FAM107B: variants seen among roughly 807,000 people sequenced by gnomAD.
The protein encoded by FAM107B is protein FAM107B.
FAM107B carries 21 observed loss-of-function variants against 31.5 expected under a neutral mutation model. The ratio of observed to expected loss-of-function variants is 0.67; its 90% confidence interval spans 0.47 to 0.96. The LOEUF (loss-of-function observed/expected upper bound fraction) is 0.96. FAM107B is among the 40% of genes least tolerant of loss of function. The pLI, the probability that FAM107B is intolerant of heterozygous loss-of-function variation, is 0.00. For missense variants in FAM107B, 452 were observed against 377.1 expected (o/e 1.20, Z -1.64); for synonymous variants, 157 against 141.5 (o/e 1.11, Z -0.78).
At chr10:14,556,508 G>A in intron 2 of FAM107B, 3 of 744,928 alleles carry the variant, frequency 4.0e-6, no homozygotes, top group Non-Finnish European at 4.9e-6. Flanking sequence ...GCTCAGCTCT[G>A]GACAAAACAA....
chr10:14,536,329 C>T (rs745927477), intron 2 of FAM107B, among the ~76,000 whole-genome samples: 2 of 152,182 alleles, frequency 1.3e-5, no homozygotes, highest in African/African-American at 4.8e-5. Context: ...TTTTGAACTG[C>T]TAAAACGTCT....
chr10:14,718,324 G>C (rs888891327), intron 1 of FAM107B, among the ~76,000 whole-genome samples: 1 of 150,938 alleles, frequency 6.6e-6, no homozygotes, highest in South Asian at 2.1e-4. Flanking sequence ...CTGAGCAACA[G>C]AGCGAGACTC....
intron 1 of FAM107B, among the ~76,000 whole-genome samples, chr10:14,705,652 C>T (rs975055390): frequency 2.6e-5 from 4 of 152,068 alleles, no homozygotes; most frequent in South Asian, 4.2e-4. Context: ...CCTACAAGGT[C>T]CCTAGAGTAG....
At chr10:14,549,907 A>G (rs1225379741) in intron 2 of FAM107B, among the ~76,000 whole-genome samples, 1 of 152,258 alleles carries the variant, frequency 6.6e-6, no homozygotes, top group Non-Finnish European at 1.5e-5. Context: ...AACAAGGAAC[A>G]CAGAATGATG....
chr10:14,702,967 T>G (rs764937831), intron 1 of FAM107B, among the ~76,000 whole-genome samples: 1 of 152,124 alleles, frequency 6.6e-6, no homozygotes, highest in Non-Finnish European at 1.5e-5. Context: ...TATTACAAAA[T>G]CATGTTTATC....
intron 2 of FAM107B, among the ~76,000 whole-genome samples, chr10:14,605,910 G>C (rs1215230760): frequency 6.6e-6 from 1 of 152,146 alleles, no homozygotes; most frequent in Non-Finnish European, 1.5e-5. Flanking sequence ...CCCCTCTGCT[G>C]GCACCGCCAC....
At chr10:14,600,465 G>A (rs1185796860) in intron 2 of FAM107B, among the ~76,000 whole-genome samples, 3 of 150,202 alleles carry the variant, frequency 2.0e-5, no homozygotes, top group East Asian at 3.9e-4. Flanking sequence ...TCCATGGCCC[G>A]CCGCACCCAC....
At chr10:14,710,702 C>CA (rs149232076) in intron 1 of FAM107B, among the ~76,000 whole-genome samples, 1 of 150,550 alleles carries the variant, frequency 6.6e-6, no homozygotes. Context: ...TCACTCTTAA[C>CA]AAAAAAAGTT....
At chr10:14,743,757 C>A (rs563861727) in intron 1 of FAM107B, among the ~76,000 whole-genome samples, 7 of 152,136 alleles carry the variant, frequency 4.6e-5, no homozygotes, top group Non-Finnish European at 8.8e-5. Context: ...GTTACTGTAG[C>A]CTTGTAGTAT....
intron 1 of FAM107B, among the ~76,000 whole-genome samples, chr10:14,771,930 A>C (rs1833312795): frequency 2.0e-5 from 3 of 152,244 alleles, no homozygotes; most frequent in Non-Finnish European, 4.4e-5. Flanking sequence ...ATTATAATTC[A>C]GAGGATGGAC....
intron 2 of FAM107B, among the ~76,000 whole-genome samples, chr10:14,629,440 T>TATTTAATATATATAAC (rs1853282765): frequency 1.2e-4 from 1 of 8,346 alleles, no homozygotes; most frequent in African/African-American, 7.0e-4. Flanking sequence ...ATATATTATA[T>TATTTAATATATATAAC]ATATATTATA....
intron 1 of FAM107B, among the ~76,000 whole-genome samples, chr10:14,700,670 G>T (rs1239584622): frequency 6.6e-6 from 1 of 151,894 alleles, no homozygotes; most frequent in Non-Finnish European, 1.5e-5. Context: ...TCCATTTTCT[G>T]ACATAAACAA....
chr10:14,573,029 G>A (rs1280203445), intron 2 of FAM107B, among the ~76,000 whole-genome samples: 6 of 152,034 alleles, frequency 3.9e-5, no homozygotes, highest in Admixed American at 6.6e-5. Context: ...ACATATAGAC[G>A]CCCACTTGGT....
intron 2 of FAM107B, among the ~76,000 whole-genome samples, chr10:14,584,691 C>G (rs938940920): frequency 1.9e-4 from 29 of 152,140 alleles, no homozygotes; most frequent in African/African-American, 7.0e-4. Flanking sequence ...AACCTAAGGC[C>G]GATTCACACT....
chr10:14,659,683 C>T (rs1262123809), intron 2 of FAM107B, among the ~76,000 whole-genome samples: 2 of 152,160 alleles, frequency 1.3e-5, no homozygotes, highest in Non-Finnish European at 2.9e-5. Flanking sequence ...GGAAACTGCA[C>T]TGTTGACTGT....
chr10:14,565,050 T>A (rs888373259), intron 2 of FAM107B, among the ~76,000 whole-genome samples: 2 of 152,140 alleles, frequency 1.3e-5, no homozygotes, highest in African/African-American at 4.8e-5. Flanking sequence ...CGAGACCCTG[T>A]CTCTAAAAAA....
intron 2 of FAM107B, among the ~76,000 whole-genome samples, chr10:14,605,169 T>G (rs574997036): frequency 8.5e-5 from 13 of 152,206 alleles, no homozygotes; most frequent in Non-Finnish European, 2.9e-5. Context: ...GACCTGGAGA[T>G]TCACCCATTT....
At chr10:14,712,306 T>C (rs192543451) in intron 1 of FAM107B, among the ~76,000 whole-genome samples, 2 of 151,962 alleles carry the variant, frequency 1.3e-5, no homozygotes, top group East Asian at 1.9e-4. Context: ...TAAAAAGAAG[T>C]TGGGGCCGGG....
At chr10:14,727,597 C>T (rs1172673501) in intron 1 of FAM107B, among the ~76,000 whole-genome samples, 1 of 152,202 alleles carries the variant, frequency 6.6e-6, no homozygotes, top group African/African-American at 2.4e-5. Context: ...GCTCCCTCAC[C>T]CTCCAGTGGG....
Sources: allele counts gnomAD v4.1 joint callset (sites outside exome capture counted in the v4.1 genomes callset), GRCh38; gene constraint gnomAD v4.1.1; transcripts MANE v1.5; gene names NCBI Gene and HGNC (gene_info 2026-07-23, HGNC 2026-07-21).